FHIT: variants seen among roughly 807,000 people sequenced by gnomAD.
The protein encoded by FHIT is bis(5'-adenosyl)-triphosphatase.
FHIT carries 19 observed loss-of-function variants against 17.9 expected under a neutral mutation model. The observed-to-expected ratio is 1.06, with a 90% CI of 0.74 to 1.56. FHIT has a LOEUF of 1.56. Ranked by LOEUF, FHIT falls within the 40% of genes most tolerant of loss-of-function variation. FHIT has a pLI of 0.00. For synonymous variants in FHIT, 81 were observed against 69.7 expected (o/e 1.16, Z -0.81); for missense variants, 248 against 189.2 (o/e 1.31, Z -1.82).
chr3:60,349,978 T>A (rs541565688), intron 5 of FHIT, among the ~76,000 whole-genome samples: 51 of 152,286 alleles, frequency 3.3e-4, no homozygotes, highest in African/African-American at 1.2e-3. Context: ...CAGCTAAAAT[T>A]AAGGCAGTGG....
chr3:60,347,012 T>C (rs762027590), intron 5 of FHIT, among the ~76,000 whole-genome samples: 25 of 141,912 alleles, frequency 1.8e-4, no homozygotes, highest in Non-Finnish European at 3.2e-4. Context: ...AAATATATTA[T>C]CTTATGATTT....
rs192408571 is a variant in FHIT, at chr3:60,959,734, A to G, written c.-111+82313T>C. ...AGAAAGAAAGAGATTTTGAGGAGGA[A>G]AAAGGGCAGTGTAGTTTGCGTGCAA... On this transcript the variant is annotated intron_variant, in intron 3 of 9. Coordinates refer to ENST00000492590, the MANE Select transcript of FHIT (RefSeq NM_002012.4). 2.6e-3 allele frequency among the ~76,000 whole-genome samples: 398 copies of G among 152,130 alleles called. 3 individuals carry two copies. The highest frequency in any genetic ancestry group is 8.9e-3 in the African/African-American group (370 of 41,490).
chr3:60,526,462 T>C (rs1439901467), intron 5 of FHIT, among the ~76,000 whole-genome samples: 3 of 152,200 alleles, frequency 2.0e-5, no homozygotes, highest in East Asian at 3.9e-4. Context: ...TTCATGGTCA[T>C]TTACAGGAAC....
intron 5 of FHIT, among the ~76,000 whole-genome samples, chr3:60,412,297 G>T (rs1232134141): frequency 6.6e-6 from 1 of 152,020 alleles, no homozygotes; most frequent in African/African-American, 2.4e-5. Context: ...TGGGGGAAAA[G>T]GCATGTACTA....
chr3:61,056,363 A>C (rs769829208), intron 2 of FHIT, among the ~76,000 whole-genome samples: 1 of 152,258 alleles, frequency 6.6e-6, no homozygotes, highest in South Asian at 2.1e-4. Flanking sequence ...CCTTGGTTCA[A>C]TAGATCTTTG....
chr3:60,705,305 A>G (rs560477224), intron 4 of FHIT, among the ~76,000 whole-genome samples: 16 of 152,318 alleles, frequency 1.1e-4, no homozygotes, highest in Middle Eastern at 3.4e-3. Flanking sequence ...AAAGGCATCA[A>G]TAACCTTCTT....
chr3:60,819,815 G>C (rs1253324990), intron 4 of FHIT, among the ~76,000 whole-genome samples: 2 of 152,162 alleles, frequency 1.3e-5, no homozygotes, highest in African/African-American at 2.4e-5. Context: ...TCTTTGTAAA[G>C]AGAAGAAATA....
intron 8 of FHIT, among the ~76,000 whole-genome samples, chr3:59,865,519 C>T (rs898488391): frequency 5.3e-5 from 8 of 152,180 alleles, no homozygotes; most frequent in Admixed American, 2.0e-4. Context: ...GCTGAAATAA[C>T]GACCTCCCCT....
chr3:60,329,273 T>C (rs1473790275), intron 5 of FHIT, among the ~76,000 whole-genome samples: 1 of 152,174 alleles, frequency 6.6e-6, no homozygotes, highest in African/African-American at 2.4e-5. Context: ...CACTGTTCTC[T>C]AGCTGAGTGT....
intron 5 of FHIT, among the ~76,000 whole-genome samples, chr3:60,469,003 T>C (rs2032944390): frequency 1.3e-5 from 2 of 152,172 alleles, no homozygotes; most frequent in South Asian, 2.1e-4. Flanking sequence ...CACTCTCTCC[T>C]GGCTTGTAAG....
intron 2 of FHIT, among the ~76,000 whole-genome samples, chr3:61,062,755 G>A (rs2034471654): frequency 6.6e-6 from 1 of 152,160 alleles, no homozygotes; most frequent in Admixed American, 6.5e-5. Flanking sequence ...CATGAATTAA[G>A]TGGATCTGAT....
intron 4 of FHIT, among the ~76,000 whole-genome samples, chr3:60,590,881 G>C (rs2038062370): frequency 6.6e-6 from 1 of 152,030 alleles, no homozygotes; most frequent in African/African-American, 2.4e-5. Flanking sequence ...TCCTCATCAA[G>C]CCTTGAGGGA....
intron 8 of FHIT, among the ~76,000 whole-genome samples, chr3:59,854,373 TC>T (rs1317362313): frequency 6.6e-6 from 1 of 152,114 alleles, no homozygotes; most frequent in African/African-American, 2.4e-5. Flanking sequence ...TGTGCTTACG[TC>T]GCATGTGCAA....
At chr3:60,113,117 G>T (rs567117409) in intron 5 of FHIT, among the ~76,000 whole-genome samples, 5 of 152,208 alleles carry the variant, frequency 3.3e-5, no homozygotes, top group Admixed American at 2.6e-4. Flanking sequence ...TTACCAATAG[G>T]TAAGTCTTCA....
intron 4 of FHIT, among the ~76,000 whole-genome samples, chr3:60,669,219 A>C (rs1177357352): frequency 1.3e-5 from 2 of 152,188 alleles, no homozygotes; most frequent in Non-Finnish European, 2.9e-5. Context: ...CCTACCTGTT[A>C]AAAGAGTGGT....
intron 3 of FHIT, among the ~76,000 whole-genome samples, chr3:60,928,320 TAA>T (rs112223579): frequency 2.9e-5 from 2 of 69,132 alleles, no homozygotes; most frequent in African/African-American, 1.2e-4. Context: ...CTAAAAAAAT[TAA>T]AAAAAAAAAA....
chr3:61,216,037 A>G (rs1456017761), intron 1 of FHIT, among the ~76,000 whole-genome samples: 1 of 152,136 alleles, frequency 6.6e-6, no homozygotes, highest in East Asian at 1.9e-4. Context: ...AACCATAAAA[A>G]CCCTAGAAGA....
chr3:60,531,419 C>A (rs1179919665), intron 5 of FHIT, among the ~76,000 whole-genome samples: 2 of 151,660 alleles, frequency 1.3e-5, no homozygotes, highest in African/African-American at 2.4e-5. Context: ...GCTGGGACTA[C>A]AGGCGCCCGC....
intron 5 of FHIT, among the ~76,000 whole-genome samples, chr3:60,035,346 C>T (rs189660581): frequency 6.6e-6 from 1 of 152,296 alleles, no homozygotes; most frequent in Non-Finnish European, 1.5e-5. Context: ...AAGCAATTTT[C>T]CTGCCTCAGC....
Sources: allele counts gnomAD v4.1 joint callset (sites outside exome capture counted in the v4.1 genomes callset), GRCh38; gene constraint gnomAD v4.1.1; transcripts MANE v1.5; gene names NCBI Gene and HGNC (gene_info 2026-07-23, HGNC 2026-07-21).